The following FKTN variants were observed in gnomAD, a reference collection of about 807,000 sequenced individuals.
The protein encoded by FKTN is ribitol-5-phosphate transferase FKTN.
In FKTN, 47 loss-of-function variants were observed where a neutral mutation model predicts 58.6. That is an observed-to-expected ratio of 0.80 (90% CI 0.63 to 1.02). The LOEUF is 1.02. Ranked by LOEUF, FKTN falls within the 50% of genes least tolerant of loss-of-function variation. The pLI is 0.00. For synonymous variants in FKTN, 178 were observed against 191.9 expected, an observed-to-expected ratio of 0.93 and a Z score of 0.60; for missense variants, 516 against 537.3, an observed-to-expected ratio of 0.96 and a Z score of 0.39.
chr9:105,560,324 G>T (rs1052855074), intron 1 of FKTN, among the ~76,000 whole-genome samples: 2 of 152,134 alleles, frequency 1.3e-5, no homozygotes, highest in Admixed American at 6.5e-5. Flanking sequence ...TTATGAATCA[G>T]TAGGTGGGGG....
At chr9:105,567,645 C>T (rs1839915659) in intron 1 of FKTN, among the ~76,000 whole-genome samples, 1 of 152,062 alleles carries the variant, frequency 6.6e-6, no homozygotes, top group African/African-American at 2.4e-5. Flanking sequence ...TAAAAGAGGA[C>T]ACAAACAAAT....
In FKTN at chr9:105,639,500, AG is replaced by A. The variant is rs776272545; in HGVS notation, c.*4238del. 119 of 784,216 alleles carry A rather than the reference AG, an allele frequency of 1.5e-4. No homozygotes were observed. Among genetic ancestry groups the A allele is most frequent in the Middle Eastern group, 6.5e-4 (1 of 1,534 alleles). 48.6% of individuals were successfully genotyped at this position (784,216 alleles called of 1,614,324 possible). A position where few individuals can be genotyped will look rare whatever the true frequency, so the allele number is the denominator to read the frequency against. ...AATGAAGTATACAGTTCTTAGCCTC[AG>A]GCCTAGGATTAAGTAAGTACTCAAG... On this transcript the variant is annotated 3_prime_UTR_variant, in exon 11 of 11. Coordinates refer to ENST00000357998, the MANE Select transcript of FKTN (RefSeq NM_001079802.2).
Position 105,637,965 on chromosome 9 carries a change from A to G in FKTN, c.*2701A>G. ...TCCCTAGCTGCAAAACCTGAAATTG[A>G]CCACTAGGTGACAGAATGTTTGCCA... On this transcript the variant is annotated 3_prime_UTR_variant, in exon 11 of 11. Transcript: ENST00000357998. The G allele has an allele frequency of 1.0e-6, 1 of 985,416 alleles. No homozygotes were observed. The highest frequency in any genetic ancestry group is 1.2e-6 in the Non-Finnish European group (1 of 829,914). 61.0% of individuals were successfully genotyped at this position (985,416 alleles called of 1,614,324 possible).
At chr9:105,603,330 A>G (rs1828236553) in intron 5 of FKTN, among the ~76,000 whole-genome samples, 2 of 152,228 alleles carry the variant, frequency 1.3e-5, no homozygotes, top group Admixed American at 6.5e-5. Context: ...TGTACCAAGA[A>G]AGAAAAGGGA....
chr9:105,569,432 C>G (rs1587825872), intron 1 of FKTN, among the ~76,000 whole-genome samples: 1 of 151,884 alleles, frequency 6.6e-6, no homozygotes, highest in Admixed American at 6.6e-5. Flanking sequence ...AGTTTTTTTC[C>G]AAGCCTTTTC....
At chr9:105,559,256 A>C (rs1486316323) in intron 1 of FKTN, among the ~76,000 whole-genome samples, 1 of 152,206 alleles carries the variant, frequency 6.6e-6, no homozygotes, top group South Asian at 2.1e-4. Context: ...TCTAGAGCCT[A>C]TTCTCCATAA....
intron 10 of FKTN, 74 bp downstream of exon 10, chr9:105,620,135 C>T: frequency 7.2e-7 from 1 of 1,389,408 alleles, no homozygotes; most frequent in Admixed American, 1.8e-5. Flanking sequence ...AAAGAAGTAA[C>T]TGAAAAGAAA....
At chr9:105,567,298 G>A (rs1246927008) in intron 1 of FKTN, among the ~76,000 whole-genome samples, 1 of 152,062 alleles carries the variant, frequency 6.6e-6, no homozygotes, top group Non-Finnish European at 1.5e-5. Flanking sequence ...TTCTGGCCAG[G>A]GCAATCAGGC....
At chr9:105,619,095 A>AT (rs1564329364) in intron 9 of FKTN, among the ~76,000 whole-genome samples, 2 of 151,678 alleles carry the variant, frequency 1.3e-5, no homozygotes, top group African/African-American at 4.8e-5. Context: ...CCAGAAAATT[A>AT]TTTTTTCCAT....
At chr9:105,568,766 T>G (rs1251459722) in intron 1 of FKTN, among the ~76,000 whole-genome samples, 1 of 152,196 alleles carries the variant, frequency 6.6e-6, no homozygotes, top group Non-Finnish European at 1.5e-5. Context: ...AAATACCATT[T>G]GACCCAGTGA....
intron 1 of FKTN, among the ~76,000 whole-genome samples, chr9:105,566,107 C>G (rs1035774740): frequency 1.3e-5 from 2 of 152,134 alleles, no homozygotes; most frequent in African/African-American, 2.4e-5. Context: ...CCAAGGAGAA[C>G]AAAGACACAA....
At position 105,635,928 on chromosome 9, in the gene FKTN, A is replaced by T; in HGVS notation, c.*664A>T. On this transcript the variant is annotated 3_prime_UTR_variant, in exon 11 of 11. Coordinates refer to ENST00000357998, the MANE Select transcript of FKTN (RefSeq NM_001079802.2). ...AAATTTCTGTACATGTACTGTTTTC[A>T]TATGTGAAGTGAGAAGAAACTTTAT... The T allele has an allele frequency of 1.0e-6, 1 of 986,880 alleles. No homozygotes were observed. Among genetic ancestry groups the T allele is most frequent in the Non-Finnish European group, 1.2e-6 (1 of 830,888 alleles). The allele number at this position is 986,880 out of a possible 1,614,324, so 61.1% of individuals were successfully genotyped here.
intron 3 of FKTN, among the ~76,000 whole-genome samples, chr9:105,575,441 A>G (rs1366964797): frequency 6.6e-6 from 1 of 152,202 alleles, no homozygotes; most frequent in Non-Finnish European, 1.5e-5. Context: ...TTTTGATAAA[A>G]TGTCAAAATT....
intron 3 of FKTN, among the ~76,000 whole-genome samples, chr9:105,577,710 T>A (rs927537627): frequency 6.6e-6 from 1 of 151,210 alleles, no homozygotes; most frequent in African/African-American, 2.5e-5. Flanking sequence ...GTGAAGAAAG[T>A]CATTGGTAGC....
chr9:105,588,906 T>C (rs1043175390), intron 3 of FKTN, among the ~76,000 whole-genome samples: 2 of 152,216 alleles, frequency 1.3e-5, no homozygotes, highest in Non-Finnish European at 2.9e-5. Flanking sequence ...GGGATACGGC[T>C]GGAGATTGCA....
chr9:105,601,095 CTGTT>C (rs775452943), intron 4 of FKTN, 46 bp from the exon 5 acceptor site: 7 of 998,172 alleles, frequency 7.0e-6, no homozygotes, highest in South Asian at 2.7e-5. Flanking sequence ...ATAAAATAGA[CTGTT>C]GTGTTGGCTT....
chr9:105,622,355 A>T (rs1832113002), intron 10 of FKTN, among the ~76,000 whole-genome samples: 1 of 152,046 alleles, frequency 6.6e-6, no homozygotes. Flanking sequence ...AGAGGAACTC[A>T]AGAAGGAAGA....
Position 105,604,365 on chromosome 9 carries a change from G to A in FKTN, c.520G>A (p.Val174Ile), listed in dbSNP as rs749663903. The change falls in exon 6 of 11, where the codon GTA (valine) becomes ATA (isoleucine). Residue 174 changes from valine to isoleucine, a missense_variant. Transcript: ENST00000357998. ...ACTGGCCACTCATGCGATCCACTTG[G>A]TAGTCTTTCATGAGAGGAGTGGCAA... ...CKLATHAIHL[V>I]VFHERSGNYL... The A allele has an allele frequency of 6.2e-7, 1 of 1,614,120 alleles. No homozygotes were observed. Among genetic ancestry groups the A allele is most frequent in the Non-Finnish European group, 8.5e-7 (1 of 1,179,994 alleles).
At chr9:105,568,171 C>A (rs1488591295) in intron 1 of FKTN, among the ~76,000 whole-genome samples, 1 of 152,200 alleles carries the variant, frequency 6.6e-6, no homozygotes, top group South Asian at 2.1e-4. Flanking sequence ...AAATGTTAGA[C>A]CTAAAACCAT....
Sources: gnomAD v4.1 joint callset for allele counts (sites outside exome capture counted in the v4.1 genomes callset) on GRCh38, gnomAD v4.1.1 for gene constraint, MANE v1.5 for transcripts, NCBI Gene and HGNC (gene_info 2026-07-23, HGNC 2026-07-21) for gene names.